Variants in PPFIA4 observed in about 807,000 individuals in gnomAD.
The protein encoded by PPFIA4 is liprin-alpha-4.
PPFIA4 carries 98 observed loss-of-function variants against 145.7 expected under a neutral mutation model. The observed-to-expected ratio is 0.67, with a 90% CI of 0.57 to 0.80. PPFIA4 has a LOEUF of 0.80. Ranked by LOEUF, PPFIA4 falls within the 30% of genes least tolerant of loss-of-function variation. PPFIA4 has a pLI of 0.00. For synonymous variants in PPFIA4, 628 were observed against 649.6 expected, an observed-to-expected ratio of 0.97 and a Z score of 0.51; for missense variants, 1,457 against 1,632.7, an observed-to-expected ratio of 0.89 and a Z score of 1.85.
intron 28 of PPFIA4, among the ~76,000 whole-genome samples, chr1:203,074,710 T>C (rs143115048): frequency 6.6e-6 from 1 of 151,948 alleles, no homozygotes; most frequent in Admixed American, 6.6e-5. Context: ...GGAGGGAGAT[T>C]GGGCATGGCT....
At chr1:203,041,132 A>T (rs888718028) in intron 2 of PPFIA4, among the ~76,000 whole-genome samples, 14 of 152,202 alleles carry the variant, frequency 9.2e-5, no homozygotes, top group Non-Finnish European at 1.6e-4. Context: ...TTATGATTTC[A>T]TCGGGTGGTG....
At position 203,067,760 on chromosome 1, in the gene PPFIA4, A is replaced by T; in HGVS notation, c.3116A>T (p.Lys1039Met). 6.2e-7 allele frequency: 1 copy of T among 1,613,788 alleles called. No individual in the cohort carries two copies. Among genetic ancestry groups the T allele is most frequent in the South Asian group, 1.1e-5 (1 of 91,080 alleles). ...RLNYDRKELE[K>M]RREESQHEIK... The stretch of plus-strand genomic sequence containing the variant: ...AATTATGACCGGAAGGAGCTGGAGA[A>T]GAGGCGAGAGGAGAGCCAGCATGAG... Residue 1039 changes from lysine to methionine, a missense_variant, in exon 26 of 30, where the codon AAG becomes ATG. By Grantham distance (95) the Lys-to-Met change is moderately conservative (BLOSUM62 -1). This residue lies in a region of PPFIA4 where 848 missense variants were observed against 1,046.7 expected (regional missense o/e 0.81). Transcript: ENST00000295706.
intron 1 of PPFIA4, among the ~76,000 whole-genome samples, chr1:203,027,577 G>A (rs566467128): frequency 1.3e-5 from 2 of 152,276 alleles, no homozygotes; most frequent in South Asian, 2.1e-4. Context: ...TCCCCTCCTG[G>A]TGTGAGCTTA....
At chr1:203,061,141 C>T (rs565407001) in intron 23 of PPFIA4, 109 bp downstream of exon 23, 37 of 1,039,940 alleles carry the variant, frequency 3.6e-5, no homozygotes, top group African/African-American at 1.7e-4. Context: ...ATCGATCTCA[C>T]GTGAGGTTGG....
At chr1:203,061,324 A>G in intron 23 of PPFIA4, 4 of 544,972 alleles carry the variant, frequency 7.3e-6, no homozygotes, top group South Asian at 4.7e-5. Context: ...TTGCCCTGCT[A>G]TGGACCTGAG....
intron 17 of PPFIA4, 42 bp downstream of exon 17, chr1:203,056,197 C>T (rs1289747939): frequency 1.2e-6 from 2 of 1,612,952 alleles, no homozygotes; most frequent in Admixed American, 3.3e-5. Context: ...GGGTTCACTG[C>T]TCCCATGCCC....
intron 6 of PPFIA4, 96 bp from the exon 7 acceptor site, chr1:203,045,272 C>T (rs1054036746): frequency 8.9e-7 from 1 of 1,119,320 alleles, no homozygotes; most frequent in Admixed American, 2.8e-5. Context: ...TTGACCTGCT[C>T]TGGGTGTGCT....
In PPFIA4 at chr1:203,055,979, T is replaced by C. The variant is rs944524622; in HGVS notation, c.2071-141T>C. On this transcript the variant is annotated intron_variant, in intron 16 of 29. Transcript: ENST00000295706. This position sits in a 1 kb window ranked among gnomAD's most constrained non-coding sequence, Gnocchi z 4.8. ...TTTTTCTAGGCCAGCTTTTTTTTTT[T>C]TTTCTGGCGTGATATTCTCTCCGGG... 1.1e-6 allele frequency: 1 copy of C among 910,478 alleles called. No individual in the cohort carries two copies. The highest frequency in any genetic ancestry group is 1.6e-6 in the Non-Finnish European group (1 of 613,522). 56.4% of individuals were successfully genotyped at this position (910,478 alleles called of 1,614,324 possible). A position where few individuals can be genotyped will look rare whatever the true frequency, so the allele number is the denominator to read the frequency against.
chr1:203,026,804 C>T (rs1571641025), intron 1 of PPFIA4, among the ~76,000 whole-genome samples, 175 bp downstream of exon 1: 1 of 152,226 alleles, frequency 6.6e-6, no homozygotes, highest in Admixed American at 6.5e-5. Flanking sequence ...CCCTCGCCCT[C>T]CTTTGCGGTG....
At chr1:203,054,152 C>G in intron 15 of PPFIA4, 191 bp downstream of exon 15, 2 of 733,660 alleles carry the variant, frequency 2.7e-6, no homozygotes, top group South Asian at 3.0e-5. Flanking sequence ...CAGTGGACTT[C>G]TCAGGCTTCA....
chr1:203,057,923 T>C (rs1301507740), intron 19 of PPFIA4, among the ~76,000 whole-genome samples: 2 of 151,458 alleles, frequency 1.3e-5, no homozygotes, highest in African/African-American at 2.4e-5. Context: ...AGTTTGTGGG[T>C]GTGAGAGGTT....
At chr1:203,029,367 T>G (rs183194172) in intron 1 of PPFIA4, among the ~76,000 whole-genome samples, 107 of 152,294 alleles carry the variant, frequency 7.0e-4, no homozygotes, top group African/African-American at 2.4e-3. Flanking sequence ...CTGAGAGAGT[T>G]GGAGGAGAAG....
chr1:203,075,577 G>C lies in PPFIA4; in HGVS notation c.3394G>C (p.Gly1132Arg). 1.4e-6 allele frequency: 2 copies of C among 1,456,048 alleles called. No homozygotes were observed. The highest frequency in any genetic ancestry group is 2.7e-5 in the East Asian group (1 of 36,466). 90.2% of individuals were successfully genotyped at this position (1,456,048 alleles called of 1,614,324 possible). A position where few individuals can be genotyped will look rare whatever the true frequency, so the allele number is the denominator to read the frequency against. The change falls in exon 29 of 30, where the codon GGG becomes CGG. Residue 1132 changes from glycine to arginine, a missense_variant and splice_region_variant. Physicochemically the swap from Gly to Arg is moderately radical, Grantham distance 125. This residue lies in a region of PPFIA4 where 146 missense variants were observed against 126.2 expected (regional missense o/e 1.16). Coordinates refer to ENST00000295706, the MANE Select transcript of PPFIA4 (RefSeq NM_001304331.2). The surrounding 1 kb of genome is among the most constrained non-coding windows in gnomAD (Gnocchi z 4.1). ...GCCTCTGGTGTCCCCCATGGTGCAG[G>C]GGGATGACAAGGTGTTTCGCCGCGC... ...ALGTDRKLDD[G>R]DDKVFRRAPS...
intron 1 of PPFIA4, chr1:203,034,504 C>T (rs1018690180): frequency 1.3e-5 from 6 of 456,198 alleles, no homozygotes; most frequent in Non-Finnish European, 2.2e-5. Context: ...GCCCCAAGGA[C>T]GAGGGCTCCG....
At chr1:203,045,071 C>T (rs1203865300) in intron 6 of PPFIA4, among the ~76,000 whole-genome samples, 2 of 152,326 alleles carry the variant, frequency 1.3e-5, no homozygotes, top group Admixed American at 1.3e-4. Flanking sequence ...CCTTCTCTGT[C>T]TGAACCTTTG....
rs1661284421 is a variant in PPFIA4, at chr1:203,060,464, C to T, written c.2784+47C>T. On this transcript the variant is annotated intron_variant, in intron 22 of 29. Transcript: ENST00000295706. This position sits in a 1 kb window ranked among gnomAD's most constrained non-coding sequence, Gnocchi z 4.8. ...CAGGACATTTTCAGAGGTCCTGGAACATAGTTTGCAAGGTCTCCTGTTGGG... is the reference window on the plus strand; with the variant it reads ...CAGGACATTTTCAGAGGTCCTGGAATATAGTTTGCAAGGTCTCCTGTTGGG... 1 of 1,590,606 alleles carries T rather than the reference C, an allele frequency of 6.3e-7. No homozygotes were observed. Among genetic ancestry groups the T allele is most frequent in the Non-Finnish European group, 8.6e-7 (1 of 1,167,268 alleles).
intron 19 of PPFIA4, 48 bp from the exon 20 acceptor site, chr1:203,059,130 G>A: frequency 7.1e-7 from 1 of 1,408,924 alleles, no homozygotes; most frequent in South Asian, 1.2e-5. Flanking sequence ...CCAGGCAAGG[G>A]AGGAGAGGCA....
chr1:203,075,905 G>T lies in PPFIA4; in HGVS notation c.3574+148G>T. 1.2e-6 allele frequency: 1 copy of T among 831,594 alleles called. No homozygotes were observed. The allele number at this position is 831,594 out of a possible 1,614,324, so 51.5% of individuals were successfully genotyped here. A position where few individuals can be genotyped will look rare whatever the true frequency, so the allele number is the denominator to read the frequency against. ...TGCAGCTGCACTAACGCTCCGCGGG[G>T]AGCGTGTGTGCGCACTAACCCGCCG... On this transcript the variant is annotated intron_variant, in intron 29 of 29. Transcript: ENST00000295706. This position sits in a 1 kb window ranked among gnomAD's most constrained non-coding sequence, Gnocchi z 4.1.
intron 1 of PPFIA4, among the ~76,000 whole-genome samples, chr1:203,030,352 G>A (rs142247527): frequency 0.014 from 2,089 of 152,268 alleles, 40 homozygotes; most frequent in African/African-American, 0.047. Flanking sequence ...CTAGAGGAGC[G>A]CTGCTGGGAG....
Sources: gnomAD v4.1 joint callset for allele counts (sites outside exome capture counted in the v4.1 genomes callset) on GRCh38, gnomAD v4.1.1 for gene constraint, gnomAD v4.1.1 regional missense constraint, Gnocchi (gnomAD v3.1) non-coding constraint, MANE v1.5 for transcripts, NCBI Gene and HGNC (gene_info 2026-07-23, HGNC 2026-07-21) for gene names.